Variants in ADAM32 observed in about 807,000 individuals in gnomAD.
ADAM32 encodes the protein disintegrin and metalloproteinase domain-containing protein 32.
ADAM32 carries 89 observed loss-of-function variants against 114.9 expected under a neutral mutation model. The observed-to-expected ratio is 0.77, with a 90% confidence interval of 0.65 to 0.92. The LOEUF is 0.92. Among genes scored for constraint, ADAM32 ranks in the 40% least tolerant of loss-of-function variants. The probability of loss-of-function intolerance (pLI) is 0.00; values close to 1 mark genes in which losing one functional copy is unlikely to be tolerated. For synonymous variants in ADAM32, 285 were observed against 307.5 expected (o/e 0.93, Z 0.77); for missense variants, 870 against 932.8 (o/e 0.93, Z 0.88).
At chr8:39,205,081 C>T (rs1807726112) in intron 11 of ADAM32, among the ~76,000 whole-genome samples, 1 of 152,204 alleles carries the variant, frequency 6.6e-6, no homozygotes, top group South Asian at 2.1e-4. Context: ...GTCAGGGACC[C>T]ACTTGAGGAG....
chr8:39,151,596 C>T (rs369542137), intron 6 of ADAM32, 48 bp downstream of exon 6: 13 of 1,265,390 alleles, frequency 1.0e-5, no homozygotes, highest in African/African-American at 1.6e-5. Context: ...TTATTACTTC[C>T]ATTTAATTTA....
At chr8:39,146,488 G>T (rs1355650001) in intron 3 of ADAM32, among the ~76,000 whole-genome samples, 2 of 146,704 alleles carry the variant, frequency 1.4e-5, no homozygotes, top group Admixed American at 6.9e-5. Flanking sequence ...TCAGCTCACT[G>T]CAACCTCTGC....
At chr8:39,228,313 G>C (rs1246233626) in intron 14 of ADAM32, among the ~76,000 whole-genome samples, 1 of 152,120 alleles carries the variant, frequency 6.6e-6, no homozygotes. Flanking sequence ...ACGAGCAATG[G>C]ATTAAAACCA....
At chr8:39,243,300 CT>C (rs1810686461) in intron 16 of ADAM32, among the ~76,000 whole-genome samples, 2 of 152,132 alleles carry the variant, frequency 1.3e-5, no homozygotes, top group South Asian at 4.2e-4. Context: ...CAATATCACC[CT>C]AATATCAAAA....
At chr8:39,189,910 G>T (rs549836474) in intron 11 of ADAM32, among the ~76,000 whole-genome samples, 67 of 152,182 alleles carry the variant, frequency 4.4e-4, no homozygotes, top group African/African-American at 1.6e-3. Context: ...TGCCTCCTGG[G>T]TGCACGCCAT....
chr8:39,111,474 G>T (rs1840154341), intron 1 of ADAM32, among the ~76,000 whole-genome samples: 1 of 152,088 alleles, frequency 6.6e-6, no homozygotes, highest in Non-Finnish European at 1.5e-5. Flanking sequence ...GGTGGCTTAT[G>T]CTTGTAATCC....
chr8:39,185,983 A>G (rs977465946), intron 10 of ADAM32, among the ~76,000 whole-genome samples: 1 of 151,976 alleles, frequency 6.6e-6, no homozygotes, highest in Non-Finnish European at 1.5e-5. Flanking sequence ...TCGCCTCCCA[A>G]GTTTCAGATT....
intron 23 of ADAM32, 109 bp from the exon 24 acceptor site, chr8:39,283,477 T>C: frequency 2.5e-6 from 2 of 794,968 alleles, no homozygotes; most frequent in Non-Finnish European, 3.6e-6. Context: ...TCTTTTTTAG[T>C]ACAACTTTGA....
At chr8:39,161,274 T>A (rs1804495099) in intron 7 of ADAM32, among the ~76,000 whole-genome samples, 1 of 152,228 alleles carries the variant, frequency 6.6e-6, no homozygotes, top group African/African-American at 2.4e-5. Flanking sequence ...GGAAGTGAAA[T>A]TCTATTTTAG....
At chr8:39,170,059 G>A in intron 10 of ADAM32, 62 bp downstream of exon 10, 3 of 1,272,298 alleles carry the variant, frequency 2.4e-6, no homozygotes, top group Non-Finnish European at 3.3e-6. Context: ...TGACATGATA[G>A]TATATATTTT....
intron 6 of ADAM32, among the ~76,000 whole-genome samples, chr8:39,155,178 G>T (rs1204340145): frequency 6.6e-6 from 1 of 152,200 alleles, no homozygotes; most frequent in Non-Finnish European, 1.5e-5. Flanking sequence ...AGACAAAGAT[G>T]CCCTCTGGCA....
chr8:39,160,789 A>G (rs1804458228), intron 6 of ADAM32, 108 bp from the exon 7 acceptor site: 8 of 931,764 alleles, frequency 8.6e-6, no homozygotes, highest in Non-Finnish European at 1.2e-5. Flanking sequence ...GATAAAGCAA[A>G]CACCTCTGCA....
At chr8:39,224,583 C>T (rs1472889434) in intron 14 of ADAM32, among the ~76,000 whole-genome samples, 1 of 151,786 alleles carries the variant, frequency 6.6e-6, no homozygotes, top group Non-Finnish European at 1.5e-5. Context: ...AATCTTTTCT[C>T]CATTTTTGAT....
At chr8:39,121,166 A>T (rs963678665) in intron 2 of ADAM32, among the ~76,000 whole-genome samples, 1 of 152,230 alleles carries the variant, frequency 6.6e-6, no homozygotes, top group African/African-American at 2.4e-5. Context: ...CAATAAAAAG[A>T]TTCCTCATGA....
chr8:39,115,336 C>A (rs1441040871), intron 1 of ADAM32, among the ~76,000 whole-genome samples: 1 of 152,112 alleles, frequency 6.6e-6, no homozygotes, highest in Non-Finnish European at 1.5e-5. Context: ...CTTGAGAAAT[C>A]ACACTGCTTT....
chr8:39,264,974 A>C (rs1812266777), intron 19 of ADAM32, among the ~76,000 whole-genome samples: 1 of 151,994 alleles, frequency 6.6e-6, no homozygotes, highest in African/African-American at 2.4e-5. Context: ...TGGGTGGAGT[A>C]TTTTGTAGAT....
At chr8:39,176,709 A>G (rs940508338) in intron 10 of ADAM32, among the ~76,000 whole-genome samples, 7 of 152,078 alleles carry the variant, frequency 4.6e-5, no homozygotes, top group Non-Finnish European at 8.8e-5. Flanking sequence ...GGTCCACTTG[A>G]TCCAGAGCTG....
At position 39,129,112 on chromosome 8, in the gene ADAM32, C is replaced by T. The variant is rs187282812; in HGVS notation, c.139-7545C>T. Among the ~76,000 whole-genome samples, 360 of 132,008 alleles carry T rather than the reference C, an allele frequency of 2.7e-3. 4 individuals carry two copies. The highest frequency in any genetic ancestry group is 7.8e-3 in the Middle Eastern group (2 of 256). The allele number at this position is 132,008 out of a possible 152,430, so 86.6% of individuals were successfully genotyped here. On this transcript the variant is annotated intron_variant, in intron 2 of 24. Coordinates refer to ENST00000379907, the MANE Select transcript of ADAM32 (RefSeq NM_145004.7). ...CTTACCTAATTTGTTCATTGGTTCT[C>T]GTTTTTTTTTGTCTTTTTTTTTTTT...
intron 10 of ADAM32, among the ~76,000 whole-genome samples, chr8:39,177,745 A>G (rs969934576): frequency 2.0e-5 from 3 of 149,500 alleles, no homozygotes; most frequent in African/African-American, 7.3e-5. Context: ...TCTGAAAAGG[A>G]TCTTATTTCT....
Sources: gnomAD v4.1 joint callset for allele counts (sites outside exome capture counted in the v4.1 genomes callset) on GRCh38, gnomAD v4.1.1 for gene constraint, MANE v1.5 for transcripts, NCBI Gene and HGNC (gene_info 2026-07-23, HGNC 2026-07-21) for gene names.